Variants in TLE4 observed in about 807,000 individuals in gnomAD.
TLE4 encodes the protein transducin-like enhancer protein 4.
TLE4 carries 8 observed loss-of-function variants against 92.8 expected under a neutral mutation model. The ratio of observed to expected loss-of-function variants is 0.09; its 90% CI spans 0.05 to 0.16. The LOEUF (loss-of-function observed/expected upper bound fraction) is 0.16, where lower values mean the gene tolerates loss of function less well. TLE4 is among the 10% of genes least tolerant of loss of function. The pLI, the probability that TLE4 is intolerant of heterozygous loss-of-function variation, is 1.00. For missense variants in TLE4, 675 were observed against 997.6 expected (o/e 0.68, Z 4.36); for synonymous variants, 371 against 374.1 (o/e 0.99, Z 0.10).
intron 4 of TLE4, among the ~76,000 whole-genome samples, chr9:79,602,206 G>T (rs184001152): frequency 6.6e-6 from 1 of 152,152 alleles, no homozygotes; most frequent in Non-Finnish European, 1.5e-5. Flanking sequence ...AAAGTGAAGC[G>T]GCAAGTACTG....
chr9:79,634,538 A>G (rs942860614), intron 6 of TLE4, among the ~76,000 whole-genome samples: 3 of 152,176 alleles, frequency 2.0e-5, no homozygotes, highest in African/African-American at 7.2e-5. Context: ...TACCCTTTCC[A>G]GTGTGTAGGT....
At chr9:79,711,248 A>C (rs2073208071) in intron 14 of TLE4, among the ~76,000 whole-genome samples, 1 of 152,196 alleles carries the variant, frequency 6.6e-6, no homozygotes, top group South Asian at 2.1e-4. Flanking sequence ...AGAAAAGACA[A>C]ATTAGAGTTC....
chr9:79,663,981 T>C (rs1052967636), intron 8 of TLE4, among the ~76,000 whole-genome samples: 3 of 152,202 alleles, frequency 2.0e-5, no homozygotes, highest in Non-Finnish European at 4.4e-5. Context: ...TGGTCTCCCG[T>C]TGCCCTAGCA....
chr9:79,623,906 C>T (rs895191075), intron 5 of TLE4, among the ~76,000 whole-genome samples: 1 of 152,008 alleles, frequency 6.6e-6, no homozygotes, highest in African/African-American at 2.4e-5. Context: ...GAGTGAGCAG[C>T]TGGAGCAGTA....
Position 79,695,792 on chromosome 9 carries a change from A to G in TLE4, c.610-8991A>G, listed in dbSNP as rs187915187. 2.5e-3 allele frequency among the ~76,000 whole-genome samples: 385 copies of G among 152,340 alleles called. 5 individuals carry two copies. The South Asian group carries it at 0.042, about 17-fold the overall frequency. Reference sequence around the variant, plus strand: ...TGTGACATTTAAGCTGAAACATAAAAGATGAAAAGATGCTAGCCACTCAGG... The same window carrying G: ...TGTGACATTTAAGCTGAAACATAAAGGATGAAAAGATGCTAGCCACTCAGG... On this transcript the variant is annotated intron_variant, in intron 8 of 19. Transcript: ENST00000376552.
chr9:79,631,059 A>G (rs1032959220), intron 6 of TLE4, among the ~76,000 whole-genome samples: 12 of 152,190 alleles, frequency 7.9e-5, no homozygotes, highest in Admixed American at 2.0e-4. Context: ...CAGGTATGCC[A>G]TGGTGTTGTA....
At chr9:79,591,355 T>G (rs908302827) in intron 4 of TLE4, among the ~76,000 whole-genome samples, 3 of 152,190 alleles carry the variant, frequency 2.0e-5, no homozygotes, top group Non-Finnish European at 4.4e-5. Flanking sequence ...GACTGGAAAC[T>G]GCTGTGCATA....
intron 8 of TLE4, among the ~76,000 whole-genome samples, chr9:79,690,982 A>C (rs1318314749): frequency 7.2e-5 from 11 of 152,042 alleles, no homozygotes; most frequent in Non-Finnish European, 1.2e-4. Flanking sequence ...TTGCAAATGC[A>C]TGAAGATGGC....
At chr9:79,686,824 C>T (rs905552714) in intron 8 of TLE4, among the ~76,000 whole-genome samples, 1 of 152,196 alleles carries the variant, frequency 6.6e-6, no homozygotes, top group Non-Finnish European at 1.5e-5. Context: ...GTGGCAGCCC[C>T]AGGAAACTAA....
At chr9:79,675,844 G>C (rs1271194749) in intron 8 of TLE4, among the ~76,000 whole-genome samples, 3 of 152,092 alleles carry the variant, frequency 2.0e-5, no homozygotes. Context: ...AAGTGTTTTG[G>C]ATTTTGGTTT....
intron 6 of TLE4, among the ~76,000 whole-genome samples, chr9:79,628,577 GACCAAAAAAAAA>G (rs2053298602): frequency 6.8e-6 from 1 of 147,658 alleles, no homozygotes; most frequent in African/African-American, 2.5e-5. Flanking sequence ...ATGTCCCTCT[GACCAAAAAAAAA>G]ACCAAAAAAA....
intron 4 of TLE4, among the ~76,000 whole-genome samples, chr9:79,610,551 C>T (rs538785061): frequency 7.2e-5 from 11 of 152,160 alleles, no homozygotes; most frequent in Non-Finnish European, 7.4e-5. Context: ...ACCCCACCCC[C>T]CCACTGCCAA....
Position 79,652,629 on chromosome 9 carries a change from G to A in TLE4, c.427G>A (p.Gly143Ser). 2 of 1,614,116 alleles carry A rather than the reference G, an allele frequency of 1.2e-6. No homozygotes were observed. The highest frequency in any genetic ancestry group is 1.7e-6 in the Non-Finnish European group (2 of 1,180,012). ...GGCCCAGCATTTATCACATGGACAT[G>A]GTCTCCCCGTACCTCTGACTCCACA... ...LQAQHLSHGH[G>S]LPVPLTPHPS... Residue 143 changes from glycine (G) to serine (S), a missense_variant, in exon 7 of 20, where the codon GGT becomes AGT. By Grantham distance (56) the Gly-to-Ser change is moderately conservative (BLOSUM62 0). Coordinates refer to ENST00000376552, the MANE Select transcript of TLE4 (RefSeq NM_007005.6).
intron 10 of TLE4, among the ~76,000 whole-genome samples, chr9:79,706,219 A>AT (rs1278953463): frequency 6.6e-6 from 1 of 151,818 alleles, no homozygotes; most frequent in Non-Finnish European, 1.5e-5. Context: ...TCATATTTAA[A>AT]TTTTTTGTGG....
chr9:79,660,187 A>G (rs1436982816), intron 8 of TLE4, among the ~76,000 whole-genome samples: 1 of 152,178 alleles, frequency 6.6e-6, no homozygotes, highest in African/African-American at 2.4e-5. Context: ...CCTCTCTACC[A>G]CTGGGTAAGC....
intron 4 of TLE4, among the ~76,000 whole-genome samples, chr9:79,597,315 T>C (rs546188439): frequency 1.3e-5 from 2 of 152,194 alleles, no homozygotes; most frequent in Admixed American, 6.5e-5. Context: ...CGGTCTACTT[T>C]TATATCTACC....
At chr9:79,663,251 AG>A (rs1433341017) in intron 8 of TLE4, among the ~76,000 whole-genome samples, 1 of 152,238 alleles carries the variant, frequency 6.6e-6, no homozygotes, top group African/African-American at 2.4e-5. Context: ...ACAGCTTTTT[AG>A]GAACTTTTAA....
In TLE4 at chr9:79,719,761, G is replaced by C. The variant is rs147019685; in HGVS notation, c.1591-285G>C. Among the ~76,000 whole-genome samples, 341 of 152,306 alleles carry C rather than the reference G, an allele frequency of 2.2e-3. 1 individual carries two copies. The highest frequency in any genetic ancestry group is 6.8e-3 in the African/African-American group (284 of 41,572). The stretch of plus-strand genomic sequence containing the variant: ...TACGTGTGTATCTGTGTGTGCAAAT[G>C]ATGCAAGCAGTTGGTTAATTTGGTG... On this transcript the variant is annotated intron_variant, in intron 15 of 19. Transcript: ENST00000376552.
intron 6 of TLE4, among the ~76,000 whole-genome samples, chr9:79,639,665 T>G (rs1017039738): frequency 3.9e-5 from 6 of 152,172 alleles, no homozygotes; most frequent in Non-Finnish European, 4.4e-5. Flanking sequence ...CTTCTGTGTT[T>G]AGATACACAA....
Sources: gnomAD v4.1 joint callset for allele counts (sites outside exome capture counted in the v4.1 genomes callset) on GRCh38, gnomAD v4.1.1 for gene constraint, MANE v1.5 for transcripts, NCBI Gene and HGNC (gene_info 2026-07-23, HGNC 2026-07-21) for gene names.